Variants in DNAJC1 observed in about 807,000 individuals in gnomAD.
DNAJC1 encodes DnaJ heat shock protein family (Hsp40) member C1.
A neutral mutation model predicts 76.6 loss-of-function variants in DNAJC1; 58 were observed. That is an observed-to-expected ratio of 0.76 (90% CI 0.61 to 0.94). DNAJC1 has a LOEUF of 0.94. Among genes scored for constraint, DNAJC1 ranks in the 40% least tolerant of loss-of-function variants. The probability of loss-of-function intolerance (pLI) is 0.00; values close to 1 mark genes in which losing one functional copy is unlikely to be tolerated. For synonymous variants in DNAJC1, 258 were observed against 267.9 expected (o/e 0.96, Z 0.36); for missense variants, 689 against 677.3 (o/e 1.02, Z -0.19).
In DNAJC1 at chr10:21,929,214, AG is replaced by A; in HGVS notation, c.223-74del. 28 of 1,044,604 alleles carry A rather than the reference AG, an allele frequency of 2.7e-5. No individual in the cohort carries two copies. The South Asian group carries it at 4.0e-4, about 15-fold the overall frequency. The allele number at this position is 1,044,604 out of a possible 1,614,324, so 64.7% of individuals were successfully genotyped here. A position where few individuals can be genotyped will look rare whatever the true frequency, so the allele number is the denominator to read the frequency against. ...AAAAGAAATTCCCAGAACCTTGTTAAGATCTGAGAAGACAGCCAACCAAGTG... is the reference window on the plus strand; with the variant it reads ...AAAAGAAATTCCCAGAACCTTGTTAAATCTGAGAAGACAGCCAACCAAGTG... On this transcript the variant is annotated intron_variant, in intron 1 of 11. Coordinates refer to ENST00000376980, the MANE Select transcript of DNAJC1 (RefSeq NM_022365.4).
intron 9 of DNAJC1, among the ~76,000 whole-genome samples, chr10:21,770,488 C>T (rs543700450): frequency 6.6e-6 from 1 of 151,030 alleles, no homozygotes; most frequent in Non-Finnish European, 1.5e-5. Context: ...GCCTCCGCCT[C>T]CAAGGTTCAA....
At chr10:21,878,677 C>T (rs1836224601) in intron 8 of DNAJC1, among the ~76,000 whole-genome samples, 1 of 152,040 alleles carries the variant, frequency 6.6e-6, no homozygotes, top group Admixed American at 6.6e-5. Flanking sequence ...CCAAAATCTT[C>T]TAAAATTTTT....
At chr10:21,972,535 C>A (rs553200786) in intron 1 of DNAJC1, among the ~76,000 whole-genome samples, 59 of 151,890 alleles carry the variant, frequency 3.9e-4, no homozygotes, top group African/African-American at 1.4e-3. Flanking sequence ...TTTGAACATG[C>A]AATTAATTTA....
chr10:21,786,458 A>G (rs1834610651), intron 9 of DNAJC1, among the ~76,000 whole-genome samples: 1 of 116,420 alleles, frequency 8.6e-6, no homozygotes, highest in Non-Finnish European at 1.7e-5. Flanking sequence ...ATATATATAT[A>G]TATATAGAGA....
At chr10:21,761,546 G>A (rs1449893790) in intron 10 of DNAJC1, among the ~76,000 whole-genome samples, 7 of 88,642 alleles carry the variant, frequency 7.9e-5, no homozygotes, top group African/African-American at 2.4e-4. Flanking sequence ...GTGAGACTCC[G>A]TCTAAAAAAA....
intron 3 of DNAJC1, among the ~76,000 whole-genome samples, chr10:21,926,658 G>T (rs928231147): frequency 6.6e-6 from 1 of 152,106 alleles, no homozygotes; most frequent in Non-Finnish European, 1.5e-5. Context: ...CTGGCCTCAG[G>T]CACAAGCTTT....
intron 1 of DNAJC1, among the ~76,000 whole-genome samples, chr10:21,942,670 G>C (rs888639839): frequency 6.6e-6 from 1 of 151,780 alleles, no homozygotes; most frequent in Non-Finnish European, 1.5e-5. Flanking sequence ...GCCGGGTGTG[G>C]CGGCGTGTGC....
chr10:21,817,502 G>A (rs536832090), intron 8 of DNAJC1, among the ~76,000 whole-genome samples: 1 of 151,652 alleles, frequency 6.6e-6, no homozygotes, highest in South Asian at 2.1e-4. Flanking sequence ...TGCTGGTCCT[G>A]AAACAATAAC....
intron 8 of DNAJC1, among the ~76,000 whole-genome samples, chr10:21,826,788 C>T (rs1183851593): frequency 6.6e-6 from 1 of 152,134 alleles, no homozygotes; most frequent in Non-Finnish European, 1.5e-5. Context: ...ATCTTGGTAG[C>T]CTTGTTGAAC....
chr10:21,905,089 G>T lies in DNAJC1; in HGVS notation c.730-477C>A, dbSNP rs149832664. On this transcript the variant is annotated intron_variant, in intron 6 of 11. Coordinates refer to ENST00000376980, the MANE Select transcript of DNAJC1 (RefSeq NM_022365.4). The stretch of plus-strand genomic sequence containing the variant: ...TACGAGCATGTATATAAAAGTGAAA[G>T]GTGCCACTCCTCCTTTTACCACCCT... 5.8e-3 allele frequency among the ~76,000 whole-genome samples: 882 copies of T among 151,780 alleles called. 16 individuals are homozygous for T. Among genetic ancestry groups the T allele is most frequent in the Non-Finnish European group, 5.9e-3 (402 of 67,922 alleles).
intron 8 of DNAJC1, among the ~76,000 whole-genome samples, chr10:21,861,793 A>G (rs967451676): frequency 6.6e-6 from 1 of 152,170 alleles, no homozygotes; most frequent in Non-Finnish European, 1.5e-5. Flanking sequence ...GGAGGCATGA[A>G]TAATCCACCC....
chr10:21,948,492 T>C (rs774415762), intron 1 of DNAJC1, among the ~76,000 whole-genome samples: 11 of 152,172 alleles, frequency 7.2e-5, no homozygotes, highest in Non-Finnish European at 1.6e-4. Flanking sequence ...TGGTAACCTG[T>C]AGTATATAGC....
At position 21,853,120 on chromosome 10, in the gene DNAJC1, C is replaced by T. The variant is rs183459450; in HGVS notation, c.978+29162G>A. 6.4e-4 allele frequency among the ~76,000 whole-genome samples: 98 copies of T among 152,332 alleles called. No individual in the cohort carries two copies. The East Asian group carries it at 0.017, about 26-fold the overall frequency. On this transcript the variant is annotated intron_variant, in intron 8 of 11. Transcript: ENST00000376980. ...TCCCTACTACATAAAATAATCTAAA[C>T]TTCTTATCTTGGCATTCAAAAACTT...
intron 1 of DNAJC1, among the ~76,000 whole-genome samples, chr10:21,976,158 GCTGGAAA>G (rs1163007248): frequency 6.6e-6 from 1 of 151,974 alleles, no homozygotes; most frequent in African/African-American, 2.4e-5. Context: ...TAGATTTATT[GCTGGAAA>G]CTGTATTCAT....
chr10:21,962,497 A>T (rs866372738), intron 1 of DNAJC1, among the ~76,000 whole-genome samples: 1 of 109,674 alleles, frequency 9.1e-6, no homozygotes, highest in Non-Finnish European at 1.7e-5. Flanking sequence ...CAGTTATCTC[A>T]CTCTGTCACC....
chr10:21,890,010 T>G (rs1836435173), intron 7 of DNAJC1, among the ~76,000 whole-genome samples: 1 of 152,162 alleles, frequency 6.6e-6, no homozygotes, highest in Non-Finnish European at 1.5e-5. Context: ...GTAAGGCGGA[T>G]CCTTCTCCTG....
Position 21,835,661 on chromosome 10 carries a change from G to A in DNAJC1, c.979-29562C>T, listed in dbSNP as rs12245050. Among the ~76,000 whole-genome samples, 1,129 of 152,326 alleles carry A rather than the reference G, an allele frequency of 7.4e-3. 15 individuals carry two copies. Among genetic ancestry groups the A allele is most frequent in the African/African-American group, 0.026 (1,090 of 41,562 alleles). ...CTGATGGAGCTGAAAACCAACACAC[G>A]AGAGCTACGTGACGAATGCAGAAGC... On this transcript the variant is annotated intron_variant, in intron 8 of 11. Coordinates refer to ENST00000376980, the MANE Select transcript of DNAJC1 (RefSeq NM_022365.4).
chr10:21,972,049 C>T lies in DNAJC1; in HGVS notation c.222+31164G>A, dbSNP rs923797505. Among the ~76,000 whole-genome samples, 8 of 152,000 alleles carry T rather than the reference C, an allele frequency of 5.3e-5. No individual in the cohort carries two copies. The South Asian group carries it at 1.0e-3, about 20-fold the overall frequency. On this transcript the variant is annotated intron_variant, in intron 1 of 11. Coordinates refer to ENST00000376980, the MANE Select transcript of DNAJC1 (RefSeq NM_022365.4). ...AACTACATTCTACTGTAGTGGTTTA[C>T]TGATATGGAGTGTGACCTAGTCTTT... is the stretch of plus-strand genomic sequence containing the variant.
At chr10:21,834,237 CT>C (rs1364011988) in intron 8 of DNAJC1, among the ~76,000 whole-genome samples, 2 of 151,618 alleles carry the variant, frequency 1.3e-5, no homozygotes, top group African/African-American at 4.8e-5. Flanking sequence ...GCACTCCAGC[CT>C]GGGCGACAGA....
Sources: gnomAD v4.1 joint callset for allele counts (sites outside exome capture counted in the v4.1 genomes callset) on GRCh38, gnomAD v4.1.1 for gene constraint, MANE v1.5 for transcripts, NCBI Gene and HGNC (gene_info 2026-07-23, HGNC 2026-07-21) for gene names.